The following TYW1 variants were observed in gnomAD, a reference collection of about 807,000 sequenced individuals.
TYW1 encodes the protein tRNA-yW synthesizing protein 1 homolog.
TYW1 carries 46 observed loss-of-function variants against 96.2 expected under a neutral mutation model. That is an observed-to-expected ratio of 0.48 (90% confidence interval 0.38 to 0.61). The LOEUF (loss-of-function observed/expected upper bound fraction) is 0.61. TYW1 is among the 20% of genes least tolerant of loss of function. TYW1 has a pLI of 0.00. For missense variants in TYW1, 684 were observed against 909.6 expected, an observed-to-expected ratio of 0.75 and a Z score of 3.19; for synonymous variants, 274 against 323.0, an observed-to-expected ratio of 0.85 and a Z score of 1.63.
intron 4 of TYW1, among the ~76,000 whole-genome samples, chr7:67,013,999 TC>T (rs1793917095): frequency 6.6e-6 from 1 of 152,150 alleles, no homozygotes; most frequent in Non-Finnish European, 1.5e-5. Context: ...CGCCTCAGCC[TC>T]CCAAAGTGCT....
chr7:67,238,696 A>G lies in TYW1; in HGVS notation c.*167A>G. ...CACGGGGGACAGCGTCCACACTCAGAGGGCCTGGGCCACAGCCCCGATGTT... is the reference window on the plus strand; with the variant it reads ...CACGGGGGACAGCGTCCACACTCAGGGGGCCTGGGCCACAGCCCCGATGTT... On this transcript the variant is annotated 3_prime_UTR_variant, in exon 16 of 16. Coordinates refer to ENST00000359626, the MANE Select transcript of TYW1 (RefSeq NM_018264.4). The G allele has an allele frequency of 7.0e-7, 1 of 1,436,398 alleles. No individual in the cohort carries two copies. The highest frequency in any genetic ancestry group is 1.5e-5 in the South Asian group (1 of 65,056). 89.0% of individuals were successfully genotyped at this position (1,436,398 alleles called of 1,614,324 possible). A position where few individuals can be genotyped will look rare whatever the true frequency, so the allele number is the denominator to read the frequency against.
Position 67,208,100 on chromosome 7 carries a change from GGAGGGTCACTT to G in TYW1, c.1977+12768_1977+12778del, listed in dbSNP as rs1225848215. 4.6e-5 allele frequency among the ~76,000 whole-genome samples: 7 copies of G among 152,234 alleles called. No individual in the cohort carries two copies. In the East Asian group the frequency reaches 1.3e-3, roughly 29 times the overall value. ...CCCAGCACTTTGGGAGGTGGAGGTG[GGAGGGTCACTT>G]GAGGCCAGGAGTTTGAGACTAGCCT... On this transcript the variant is annotated intron_variant, in intron 15 of 15. Coordinates refer to ENST00000359626, the MANE Select transcript of TYW1 (RefSeq NM_018264.4).
chr7:67,048,390 C>G (rs892836256), intron 7 of TYW1, among the ~76,000 whole-genome samples: 1 of 149,886 alleles, frequency 6.7e-6, no homozygotes, highest in Admixed American at 6.8e-5. Flanking sequence ...AGGGCCACTG[C>G]CTGGATGAGT....
chr7:67,069,956 A>G (rs1278417815), intron 10 of TYW1, among the ~76,000 whole-genome samples: 2 of 152,160 alleles, frequency 1.3e-5, no homozygotes, highest in Non-Finnish European at 2.9e-5. Context: ...TTTATTTATC[A>G]GTGTCTTAAT....
intron 3 of TYW1, among the ~76,000 whole-genome samples, chr7:67,002,150 C>A (rs1250388451): frequency 6.6e-6 from 1 of 151,482 alleles, no homozygotes; most frequent in Non-Finnish European, 1.5e-5. Context: ...TGGGCTCCAG[C>A]GATTCTCCTG....
At chr7:67,087,594 T>A (rs1389811029) in intron 11 of TYW1, among the ~76,000 whole-genome samples, 1 of 151,616 alleles carries the variant, frequency 6.6e-6, no homozygotes, top group Non-Finnish European at 1.5e-5. Context: ...TACAACGGAT[T>A]TTTTTTTTCA....
chr7:67,121,361 C>T (rs1419198708), intron 13 of TYW1, among the ~76,000 whole-genome samples: 1 of 152,096 alleles, frequency 6.6e-6, no homozygotes, highest in Non-Finnish European at 1.5e-5. Context: ...TATGGTGAAA[C>T]CCCGTCTCTA....
chr7:67,116,160 T>G (rs1304381424), intron 12 of TYW1, among the ~76,000 whole-genome samples: 2 of 151,806 alleles, frequency 1.3e-5, no homozygotes, highest in African/African-American at 4.8e-5. Context: ...ACCCCTTCTC[T>G]ACTAAAAATA....
rs1265024981 is a variant in TYW1, at chr7:67,077,260, TC to T, written c.1275-6169del. 5.3e-5 allele frequency among the ~76,000 whole-genome samples: 8 copies of T among 152,352 alleles called. No homozygotes were observed. In the South Asian group the frequency reaches 8.3e-4, roughly 16 times the overall value. Reference sequence around the variant, plus strand: ...GATTTCCTTTCCTTTGGATGTATATTCAGTAGTGGGGTTGCTGGATCATATG... The same window carrying T: ...GATTTCCTTTCCTTTGGATGTATATTAGTAGTGGGGTTGCTGGATCATATG... On this transcript the variant is annotated intron_variant, in intron 10 of 15. Coordinates refer to ENST00000359626, the MANE Select transcript of TYW1 (RefSeq NM_018264.4).
At chr7:67,018,753 C>T (rs1584469074) in intron 6 of TYW1, among the ~76,000 whole-genome samples, 2 of 151,588 alleles carry the variant, frequency 1.3e-5, no homozygotes, top group Non-Finnish European at 1.5e-5. Context: ...GTCGGGAGTT[C>T]GAGACCATTC....
chr7:67,130,089 A>G (rs563906884), intron 13 of TYW1, among the ~76,000 whole-genome samples: 35 of 152,142 alleles, frequency 2.3e-4, no homozygotes, highest in African/African-American at 7.7e-4. Flanking sequence ...TTTCTATAGA[A>G]GTAATTATAG....
intron 14 of TYW1, among the ~76,000 whole-genome samples, chr7:67,194,708 T>C (rs983677823): frequency 1.3e-5 from 2 of 151,002 alleles, no homozygotes; most frequent in African/African-American, 4.9e-5. Flanking sequence ...TCAATTATAC[T>C]AGAAAATGGA....
chr7:67,219,845 GT>G lies in TYW1; in HGVS notation c.1978-18447del, dbSNP rs57991071. 3.0e-3 allele frequency among the ~76,000 whole-genome samples: 390 copies of G among 132,048 alleles called. 1 individual carries two copies. Among genetic ancestry groups the G allele is most frequent in the South Asian group, 0.012 (52 of 4,258 alleles). 86.6% of individuals were successfully genotyped at this position (132,048 alleles called of 152,430 possible). ...AAAGAACCAGCTTTGGGTTTTGTGG[GT>G]TTTTTTTTTTTTTTTCTATTCTCTA... On this transcript the variant is annotated intron_variant, in intron 15 of 15. Transcript: ENST00000359626.
chr7:67,103,473 G>A (rs1185043641), intron 12 of TYW1, among the ~76,000 whole-genome samples: 3 of 152,096 alleles, frequency 2.0e-5, no homozygotes, highest in Non-Finnish European at 2.9e-5. Flanking sequence ...AAACACTCTG[G>A]GCTATAGAAT....
rs542551356 is a variant in TYW1 at position 67,122,423 on chromosome 7, A to G, written c.1698+4805A>G. ...TTGCAAATTAAAAAACAAACATTTC[A>G]CATTTGGCCTTATATCAGGTTATAA... On this transcript the variant is annotated intron_variant, in intron 13 of 15. Transcript: ENST00000359626. Among the ~76,000 whole-genome samples the G allele has an allele frequency of 3.3e-5, 5 of 152,316 alleles. No individual in the cohort carries two copies. The South Asian group carries it at 6.2e-4, about 19-fold the overall frequency.
At chr7:67,042,889 C>G (rs565778263) in intron 7 of TYW1, among the ~76,000 whole-genome samples, 1 of 151,830 alleles carries the variant, frequency 6.6e-6, no homozygotes, top group Non-Finnish European at 1.5e-5. Context: ...CCCAGCTACT[C>G]GGGAGACTGA....
At chr7:67,112,098 GACAAAAAAA>G (rs1797428859) in intron 12 of TYW1, among the ~76,000 whole-genome samples, 1 of 28,852 alleles carries the variant, frequency 3.5e-5, no homozygotes, top group Non-Finnish European at 6.5e-5. Context: ...GACTCTGTCT[GACAAAAAAA>G]AAAAAAAAAA....
chr7:67,037,272 C>G (rs1455575264), intron 7 of TYW1, among the ~76,000 whole-genome samples: 1 of 152,020 alleles, frequency 6.6e-6, no homozygotes, highest in Admixed American at 6.6e-5. Context: ...TTTTGGGAGG[C>G]CGAGGCAGGT....
chr7:67,017,355 C>T (rs1211781155), intron 5 of TYW1, among the ~76,000 whole-genome samples: 1 of 152,136 alleles, frequency 6.6e-6, no homozygotes, highest in East Asian at 1.9e-4. Context: ...CTTAACTATG[C>T]CTCTGATAAC....
Sources: gnomAD v4.1 joint callset for allele counts (sites outside exome capture counted in the v4.1 genomes callset) on GRCh38, gnomAD v4.1.1 for gene constraint, MANE v1.5 for transcripts, NCBI Gene and HGNC (gene_info 2026-07-23, HGNC 2026-07-21) for gene names.